Variants in CNGB3 observed in about 807,000 individuals in gnomAD.
CNGB3 encodes the protein cyclic nucleotide gated channel subunit beta 3, also known as cyclic nucleotide-gated channel beta-3.
CNGB3 carries 86 observed loss-of-function variants against 92.8 expected under a neutral mutation model. The ratio of observed to expected loss-of-function variants is 0.93; its 90% confidence interval spans 0.78 to 1.11. The LOEUF (loss-of-function observed/expected upper bound fraction) is 1.11. Among genes scored for constraint, CNGB3 ranks in the 50% least tolerant of loss-of-function variants. The pLI, the probability that CNGB3 is intolerant of heterozygous loss-of-function variation, is 0.00. For missense variants in CNGB3, 1,026 were observed against 956.8 expected (o/e 1.07, Z -0.95); for synonymous variants, 333 against 332.7 (o/e 1.00, Z -0.01).
chr8:86,720,278 A>G (rs1824941351), intron 3 of CNGB3, among the ~76,000 whole-genome samples: 1 of 152,334 alleles, frequency 6.6e-6, no homozygotes, highest in African/African-American at 2.4e-5. Flanking sequence ...CAGAATCTGC[A>G]AGGAACTCAA....
chr8:86,660,762 A>G (rs4960985), intron 6 of CNGB3: 210,060 of 519,018 alleles, frequency 0.4, 45,219 homozygotes, highest in Admixed American at 0.59. Context: ...AACACCACTC[A>G]AACAAATGGA....
At chr8:86,668,787 C>G in intron 4 of CNGB3, among the ~76,000 whole-genome samples, 1 of 151,500 alleles carries the variant, frequency 6.6e-6, no homozygotes, top group East Asian at 1.9e-4. Flanking sequence ...CTGGGTAGAC[C>G]GGAAGTTTTC....
intron 3 of CNGB3, among the ~76,000 whole-genome samples, chr8:86,682,895 G>A (rs1489913795): frequency 6.6e-6 from 1 of 152,146 alleles, no homozygotes; most frequent in Non-Finnish European, 1.5e-5. Context: ...GTAAGACAGA[G>A]TTCTAAACTC....
At chr8:86,738,825 A>G (rs545316181) in intron 2 of CNGB3, among the ~76,000 whole-genome samples, 2 of 133,940 alleles carry the variant, frequency 1.5e-5, no homozygotes, top group South Asian at 5.2e-4. Flanking sequence ...TGGGCGACAG[A>G]GCGAGACTCC....
intron 15 of CNGB3, among the ~76,000 whole-genome samples, chr8:86,582,012 A>C (rs1240929338): frequency 2.6e-5 from 4 of 152,198 alleles, no homozygotes; most frequent in African/African-American, 9.7e-5. Flanking sequence ...CACAAAAAAC[A>C]AAAAAATTAT....
chr8:86,594,471 G>T, intron 15 of CNGB3: 4 of 282,064 alleles, frequency 1.4e-5, no homozygotes, highest in South Asian at 1.3e-4. Flanking sequence ...GTAAAGACGT[G>T]GTCCAGGAGG....
intron 6 of CNGB3, among the ~76,000 whole-genome samples, chr8:86,664,351 CCTAA>C (rs1222104655): frequency 1.3e-5 from 2 of 152,220 alleles, no homozygotes; most frequent in East Asian, 1.9e-4. Flanking sequence ...GATTAAGCGA[CCTAA>C]CTGTCTTCTT....
At chr8:86,649,859 A>G (rs1338542856) in intron 7 of CNGB3, among the ~76,000 whole-genome samples, 1 of 151,794 alleles carries the variant, frequency 6.6e-6, no homozygotes, top group African/African-American at 2.4e-5. Context: ...TAAACAGACA[A>G]CTCACAGAAT....
intron 1 of CNGB3, among the ~76,000 whole-genome samples, chr8:86,742,721 G>A (rs1303195390): frequency 6.6e-6 from 1 of 152,058 alleles, no homozygotes; most frequent in Admixed American, 6.5e-5. Context: ...GATCACTTAG[G>A]ACTTAAACCT....
intron 11 of CNGB3, among the ~76,000 whole-genome samples, chr8:86,631,302 G>C (rs1375492164): frequency 6.6e-6 from 1 of 152,172 alleles, no homozygotes; most frequent in African/African-American, 2.4e-5. Flanking sequence ...ATTACACTAT[G>C]AGTAACAAGA....
At chr8:86,666,838 C>A in intron 6 of CNGB3, 87 bp downstream of exon 6, 2 of 1,071,692 alleles carry the variant, frequency 1.9e-6, no homozygotes, top group Non-Finnish European at 2.8e-6. Context: ...GCCAGTCAAA[C>A]ATTAAATAAA....
At chr8:86,737,618 A>C (rs1825270231) in intron 2 of CNGB3, among the ~76,000 whole-genome samples, 1 of 151,900 alleles carries the variant, frequency 6.6e-6, no homozygotes, top group African/African-American at 2.4e-5. Flanking sequence ...TCAGGAGTAC[A>C]TGTGCAGGTT....
At chr8:86,637,078 AG>A (rs1194626158) in intron 10 of CNGB3, among the ~76,000 whole-genome samples, 1 of 152,194 alleles carries the variant, frequency 6.6e-6, no homozygotes, top group Non-Finnish European at 1.5e-5. Flanking sequence ...TGAACATGGG[AG>A]TGCAGATGTC....
intron 3 of CNGB3, among the ~76,000 whole-genome samples, chr8:86,678,306 T>C (rs1226243677): frequency 2.0e-5 from 3 of 152,182 alleles, no homozygotes; most frequent in African/African-American, 4.8e-5. Context: ...CAGTCTACCA[T>C]AAAGCCTATA....
At chr8:86,742,134 G>A (rs538325461) in intron 1 of CNGB3, among the ~76,000 whole-genome samples, 2 of 152,180 alleles carry the variant, frequency 1.3e-5, no homozygotes, top group African/African-American at 4.8e-5. Context: ...TAGTTACAAT[G>A]TTCTCCAAGA....
chr8:86,702,625 TG>T (rs1160499884), intron 3 of CNGB3, among the ~76,000 whole-genome samples: 4 of 152,268 alleles, frequency 2.6e-5, no homozygotes, highest in African/African-American at 7.2e-5. Context: ...TCTCTAGCAT[TG>T]GGTAGTATTT....
At chr8:86,714,262 C>T (rs1242215145) in intron 3 of CNGB3, among the ~76,000 whole-genome samples, 3 of 152,110 alleles carry the variant, frequency 2.0e-5, no homozygotes. Context: ...TAGCTGTAAT[C>T]ATAGAGTGTG....
chr8:86,726,431 GC>G (rs1458955379), intron 3 of CNGB3, 99 bp downstream of exon 3: 1 of 1,497,638 alleles, frequency 6.7e-7, no homozygotes, highest in Non-Finnish European at 9.3e-7. Context: ...AATTTTTTCT[GC>G]CCTTATATTC....
chr8:86,657,568 G>C (rs1278781346), intron 6 of CNGB3: 1 of 443,518 alleles, frequency 2.3e-6, no homozygotes, highest in East Asian at 6.2e-5. Context: ...GCTCCATGCT[G>C]TGGGCGAGGC....
Sources: gnomAD v4.1 joint callset for allele counts (sites outside exome capture counted in the v4.1 genomes callset) on GRCh38, gnomAD v4.1.1 for gene constraint, MANE v1.5 for transcripts, NCBI Gene and HGNC (gene_info 2026-07-23, HGNC 2026-07-21) for gene names.